Variants in ERBB3 observed in about 807,000 individuals in gnomAD.
ERBB3 encodes erb-b2 receptor tyrosine kinase 3.
A neutral mutation model predicts 156.7 loss-of-function variants in ERBB3; 96 were observed. The observed-to-expected ratio is 0.61, with a 90% CI of 0.52 to 0.73. ERBB3 has a LOEUF of 0.73. ERBB3 is among the 30% of genes least tolerant of loss of function. ERBB3 has a pLI of 0.00. For synonymous variants in ERBB3, 567 were observed against 632.0 expected, an observed-to-expected ratio of 0.90 and a Z score of 1.54; for missense variants, 1,406 against 1,709.4, an observed-to-expected ratio of 0.82 and a Z score of 3.13.
At position 56,093,444 on chromosome 12, in the gene ERBB3, C is replaced by G. The variant is rs2136809653; in HGVS notation, c.1374C>G (p.Ala458=). 1 of 1,613,984 alleles carries G rather than the reference C, an allele frequency of 6.2e-7. No individual in the cohort carries two copies. Among genetic ancestry groups the G allele is most frequent in the Non-Finnish European group, 8.5e-7 (1 of 1,179,976 alleles). The change falls in exon 12 of 28, where the codon GCC becomes GCG. Residue 458 remains alanine, a synonymous_variant. Transcript: ENST00000267101. The part of the protein sequence containing the change: ...EISAGRIYIS[A]NRQLCYHHSL... ...GTGCTGGGCGTATCTATATAAGTGCCAATAGGCAGCTCTGCTACCACCACT... is the reference window on the plus strand; with the variant it reads ...GTGCTGGGCGTATCTATATAAGTGCGAATAGGCAGCTCTGCTACCACCACT...
chr12:56,080,295 G>A lies in ERBB3; in HGVS notation c.-6G>A. The A allele has an allele frequency of 6.4e-7, 1 of 1,561,052 alleles. No homozygotes were observed. The highest frequency in any genetic ancestry group is 1.4e-5 in the African/African-American group (1 of 73,856). ...TGGCTGGGCTCCCTTCACCCTCTGCGGAGTCATGAGGGCGAACGACGCTCT... is the reference window on the plus strand; with the variant it reads ...TGGCTGGGCTCCCTTCACCCTCTGCAGAGTCATGAGGGCGAACGACGCTCT... On this transcript the variant is annotated 5_prime_UTR_variant, in exon 1 of 28. Transcript: ENST00000267101.
intron 23 of ERBB3, among the ~76,000 whole-genome samples, chr12:56,099,323 A>T (rs1041455455): frequency 2.0e-5 from 3 of 149,528 alleles, no homozygotes; most frequent in Non-Finnish European, 3.0e-5. Flanking sequence ...TTTTTTATGG[A>T]GTCTCGCTCT....
chr12:56,095,992 G>A, intron 17 of ERBB3, 186 bp downstream of exon 17: 1 of 672,222 alleles, frequency 1.5e-6, no homozygotes, highest in South Asian at 1.7e-5. Context: ...TCCCCTAGAA[G>A]AACACTGGTC....
chr12:56,098,200 C>T (rs903591066), intron 21 of ERBB3: 78 of 555,066 alleles, frequency 1.4e-4, no homozygotes, highest in Non-Finnish European at 2.1e-4. Context: ...GTCAGGAGAT[C>T]AAGACCATCC....
chr12:56,093,264 A>G, intron 11 of ERBB3, 81 bp from the exon 12 acceptor site: 4 of 1,400,790 alleles, frequency 2.9e-6, no homozygotes, highest in Non-Finnish European at 4.1e-6. Flanking sequence ...CACTGAGCAA[A>G]TTTCTTGACT....
chr12:56,084,593 C>T (rs1285818238), intron 2 of ERBB3, among the ~76,000 whole-genome samples: 1 of 102,952 alleles, frequency 9.7e-6, no homozygotes, highest in Non-Finnish European at 2.2e-5. Flanking sequence ...GAGACCCTGT[C>T]TCACCAAAAA....
At position 56,097,914 on chromosome 12, in the gene ERBB3, A is replaced by G. The variant is rs756068516; in HGVS notation, c.2590A>G (p.Lys864Glu). 1.9e-6 allele frequency: 3 copies of G among 1,613,556 alleles called. No individual in the cohort carries two copies. The highest frequency in any genetic ancestry group is 2.5e-6 in the Non-Finnish European group (3 of 1,179,990). Residue 864 changes from lysine (K) to glutamate (E), a missense_variant, in exon 21 of 28, where the codon AAG (lysine) becomes GAG (glutamate). Transcript: ENST00000267101. ...GGCTGACCTGCTGCCTCCTGATGATAAGCAGCTGCTATACAGTGAGGCCAA... is the reference window on the plus strand; with the variant it reads ...GGCTGACCTGCTGCCTCCTGATGATGAGCAGCTGCTATACAGTGAGGCCAA... ...GVADLLPPDDKQLLYSEAKTP... is the reference protein window; with the variant it reads ...GVADLLPPDDEQLLYSEAKTP...
At chr12:56,080,470 G>A in intron 1 of ERBB3, 88 bp downstream of exon 1, 1 of 1,094,732 alleles carries the variant, frequency 9.1e-7, no homozygotes, top group Admixed American at 2.1e-5. Context: ...CACGGTCTCA[G>A]GCGGCGCGGG....
In ERBB3 at chr12:56,099,819, C is replaced by T. The variant is rs1344102353; in HGVS notation, c.2938-19C>T. On this transcript the variant is annotated intron_variant, in intron 24 of 27. Coordinates refer to ENST00000267101, the MANE Select transcript of ERBB3 (RefSeq NM_001982.4). ...TGGCTGGAACCAGGATTCCCCCTAA[C>T]AATCACCTATCGATATAGAGAGAGA... 2 of 1,613,632 alleles carry T rather than the reference C, an allele frequency of 1.2e-6. No homozygotes were observed. Among genetic ancestry groups the T allele is most frequent in the Non-Finnish European group, 1.7e-6 (2 of 1,179,590 alleles).
In ERBB3 at chr12:56,083,797, G is replaced by A; in HGVS notation, c.129G>A (p.Glu43=). The A allele has an allele frequency of 6.2e-7, 1 of 1,614,140 alleles. No homozygotes were observed. Among genetic ancestry groups the A allele is most frequent in the Non-Finnish European group, 8.5e-7 (1 of 1,180,012 alleles). ...LNGLSVTGDA[E]NQYQTLYKLY... ...GCCTGAGTGTGACCGGCGATGCTGA[G>A]AACCAATACCAGACACTGTACAAGC... Residue 43 remains glutamate (E), a synonymous_variant, in exon 2 of 28, where the codon GAG becomes GAA. Transcript: ENST00000267101.
At chr12:56,091,266 T>TTATATATATATATATATATATATATA (rs199547778) in intron 9 of ERBB3, among the ~76,000 whole-genome samples, 1 of 43,422 alleles carries the variant, frequency 2.3e-5, no homozygotes, top group African/African-American at 1.2e-4. Flanking sequence ...TTGGCTAATT[T>TTATATATATATATATATATATATATA]TATATATATA....
chr12:56,094,070 C>A (rs528498655), intron 13 of ERBB3, 29 bp from the exon 14 acceptor site: 4 of 1,550,698 alleles, frequency 2.6e-6, no homozygotes, highest in African/African-American at 2.7e-5. Flanking sequence ...TTGGAAGTGA[C>A]CCCCCCCTCC....
chr12:56,086,134 C>T (rs1868479184), intron 3 of ERBB3, among the ~76,000 whole-genome samples: 1 of 151,010 alleles, frequency 6.6e-6, no homozygotes, highest in South Asian at 2.1e-4. Flanking sequence ...GGAATTCTAC[C>T]TTTACTCTCC....
At position 56,088,766 on chromosome 12, in the gene ERBB3, C is replaced by G. The variant is rs1868570239; in HGVS notation, c.1007C>G (p.Ser336Cys). The G allele has an allele frequency of 1.2e-6, 2 of 1,614,004 alleles. No homozygotes were observed. The highest frequency in any genetic ancestry group is 1.7e-5 in the Admixed American group (1 of 60,002). Residue 336 changes from serine to cysteine, a missense_variant, in exon 9 of 28, where the codon TCT becomes TGT. Around this residue, in one of 3 missense-constraint regions of ERBB3, gnomAD observed 979 missense variants for 1,219.6 expected, o/e 0.80. Transcript: ENST00000267101. ...LCPKACEGTG[S>C]GSRFQTVDSS... is the part of the protein sequence containing the mutation. ...TTTGCAGCCTGTGAGGGAACAGGCT[C>G]TGGGAGCCGCTTCCAGACTGTGGAC...
intron 4 of ERBB3, 88 bp from the exon 5 acceptor site, chr12:56,087,489 T>G: frequency 9.1e-7 from 1 of 1,104,286 alleles, no homozygotes; most frequent in Non-Finnish European, 1.4e-6. Flanking sequence ...GGGATTGAGG[T>G]GCCTGTGTAC....
chr12:56,083,396 A>T (rs1868380181), intron 1 of ERBB3: 10 of 361,646 alleles, frequency 2.8e-5, no homozygotes, highest in Non-Finnish European at 5.4e-5. Context: ...GAGGAGGGTA[A>T]TCAAAGTTGC....
chr12:56,093,290 A>G, intron 11 of ERBB3, 55 bp from the exon 12 acceptor site: 3 of 1,488,746 alleles, frequency 2.0e-6, no homozygotes, highest in Non-Finnish European at 1.9e-6. Context: ...GAATCCTTTG[A>G]ATAGTTAATG....
In ERBB3 at chr12:56,098,879, T is replaced by C. The variant is rs774015628; in HGVS notation, c.2813T>C (p.Ile938Thr). ...TTGGCACAGCCCCAGATCTGCACAATTGATGTCTACATGGTGATGGTCAAG... is the reference window on the plus strand; with the variant it reads ...TTGGCACAGCCCCAGATCTGCACAACTGATGTCTACATGGTGATGGTCAAG... Reference protein sequence around the residue: ...ERLAQPQICTIDVYMVMVKCW... With the variant: ...ERLAQPQICTTDVYMVMVKCW... The change falls in exon 23 of 28, where the codon ATT (isoleucine) becomes ACT (threonine). Residue 938 changes from isoleucine to threonine, a missense_variant. By Grantham distance (89) the Ile-to-Thr change is moderately conservative. This residue lies in a region of ERBB3 where 979 missense variants were observed against 1,219.6 expected (regional missense o/e 0.80). Coordinates refer to ENST00000267101, the MANE Select transcript of ERBB3 (RefSeq NM_001982.4). 1 of 1,614,072 alleles carries C rather than the reference T, an allele frequency of 6.2e-7. No individual in the cohort carries two copies. Among genetic ancestry groups the C allele is most frequent in the Admixed American group, 1.7e-5 (1 of 60,016 alleles).
At chr12:56,089,873 G>A (rs1269361051) in intron 9 of ERBB3, among the ~76,000 whole-genome samples, 1 of 149,796 alleles carries the variant, frequency 6.7e-6, no homozygotes, top group Non-Finnish European at 1.5e-5. Context: ...TAAAATGTGT[G>A]TGTGTGTGTA....
Sources: gnomAD v4.1 joint callset for allele counts (sites outside exome capture counted in the v4.1 genomes callset) on GRCh38, gnomAD v4.1.1 for gene constraint, gnomAD v4.1.1 regional missense constraint, MANE v1.5 for transcripts, NCBI Gene and HGNC (gene_info 2026-07-23, HGNC 2026-07-21) for gene names.